The following TBX20 variants were observed in gnomAD, a reference collection of about 807,000 sequenced individuals.
TBX20 encodes T-box transcription factor 20.
TBX20 carries 8 observed loss-of-function variants against 42.9 expected under a neutral mutation model. That is an observed-to-expected ratio of 0.19 (90% CI 0.11 to 0.34). The LOEUF is 0.34. TBX20 is among the 10% of genes least tolerant of loss of function. The probability of loss-of-function intolerance (pLI) is 1.00; values close to 1 mark genes in which losing one functional copy is unlikely to be tolerated. For missense variants in TBX20, 411 were observed against 566.0 expected (o/e 0.73, Z 2.78); for synonymous variants, 198 against 222.8 (o/e 0.89, Z 0.99).
intron 7 of TBX20, among the ~76,000 whole-genome samples, chr7:35,204,152 C>G (rs1377398476): frequency 2.0e-5 from 3 of 152,132 alleles, no homozygotes; most frequent in Admixed American, 6.5e-5. Context: ...GTGACTGCCC[C>G]CAAAGTTCAA....
chr7:35,244,561 A>G (rs1790143990), intron 4 of TBX20, among the ~76,000 whole-genome samples: 2 of 152,232 alleles, frequency 1.3e-5, no homozygotes, highest in Non-Finnish European at 2.9e-5. Flanking sequence ...TCCTAGCCCT[A>G]TTCTCTCTAA....
At chr7:35,231,899 A>C (rs952841356) in intron 5 of TBX20, among the ~76,000 whole-genome samples, 8 of 152,204 alleles carry the variant, frequency 5.3e-5, no homozygotes, top group African/African-American at 1.9e-4. Flanking sequence ...AGTATGTCAA[A>C]GGCTAGGGCT....
chr7:35,234,135 T>C (rs1584352066), intron 5 of TBX20, among the ~76,000 whole-genome samples: 1 of 152,232 alleles, frequency 6.6e-6, no homozygotes, highest in East Asian at 1.9e-4. Flanking sequence ...AAAAAATTCA[T>C]TTTGAAAGAA....
At chr7:35,232,156 T>C (rs550916371) in intron 5 of TBX20, among the ~76,000 whole-genome samples, 1 of 152,362 alleles carries the variant, frequency 6.6e-6, no homozygotes, top group Non-Finnish European at 1.5e-5. Flanking sequence ...CTATTTCCCT[T>C]TCCATTTGAC....
chr7:35,228,629 G>A (rs1228418403), intron 6 of TBX20, among the ~76,000 whole-genome samples: 1 of 152,060 alleles, frequency 6.6e-6, no homozygotes, highest in East Asian at 1.9e-4. Flanking sequence ...AAGGAACACT[G>A]TGCCTTTGTG....
chr7:35,253,731 C>G lies in TBX20; in HGVS notation c.-111G>C, dbSNP rs1035155879. On this transcript the variant is annotated 5_prime_UTR_variant, in exon 1 of 8. Transcript: ENST00000408931. ...AGCTCAAAGTTTCCGAGAGCAGTCACAGCGGGGCCAGGGACTCCAGAAGTG... is the reference window on the plus strand; with the variant it reads ...AGCTCAAAGTTTCCGAGAGCAGTCAGAGCGGGGCCAGGGACTCCAGAAGTG... The G allele has an allele frequency of 7.7e-6, 11 of 1,425,150 alleles. No individual in the cohort carries two copies. The highest frequency in any genetic ancestry group is 1.0e-5 in the Non-Finnish European group (11 of 1,053,768). 88.3% of individuals were successfully genotyped at this position (1,425,150 alleles called of 1,614,324 possible). A position where few individuals can be genotyped will look rare whatever the true frequency, so the allele number is the denominator to read the frequency against.
rs1280163838 is a variant in TBX20 at position 35,204,527 on chromosome 7, T to C, written c.946A>G (p.Thr316Ala). The change falls in exon 7 of 8, where the codon ACC (threonine) becomes GCC (alanine). Residue 316 changes from threonine (T) to alanine (A), a missense_variant. Physicochemically the swap from Thr to Ala is moderately conservative, Grantham distance 58. This residue lies in a region of TBX20 where 162 missense variants were observed against 205.4 expected (regional missense o/e 0.79). Coordinates refer to ENST00000408931, the MANE Select transcript of TBX20 (RefSeq NM_001077653.2). ...KHSYARSPIRTYGGEEDVLGD... is the reference protein window; with the variant it reads ...KHSYARSPIRAYGGEEDVLGD... ...AAGACATCTTCTTCTCCTCCGTAGG[T>C]ACGGATGGGTGAGCGTGCATAGGAA... 2 of 1,614,014 alleles carry C rather than the reference T, an allele frequency of 1.2e-6. No individual in the cohort carries two copies. The highest frequency in any genetic ancestry group is 1.7e-6 in the Non-Finnish European group (2 of 1,180,022).
chr7:35,225,744 G>A (rs185402303), intron 6 of TBX20, among the ~76,000 whole-genome samples: 4 of 152,136 alleles, frequency 2.6e-5, no homozygotes, highest in Non-Finnish European at 4.4e-5. Context: ...AATTCAACAC[G>A]AGCCTAAGCT....
intron 4 of TBX20, among the ~76,000 whole-genome samples, chr7:35,242,176 C>T (rs1249456379): frequency 7.2e-5 from 11 of 152,198 alleles, no homozygotes; most frequent in Admixed American, 7.2e-4. Flanking sequence ...TGCCGATTGA[C>T]TTTAGCAGAG....
chr7:35,215,533 C>A (rs1047394696), intron 6 of TBX20, among the ~76,000 whole-genome samples: 7 of 152,156 alleles, frequency 4.6e-5, no homozygotes, highest in African/African-American at 1.7e-4. Context: ...AAGACACTAT[C>A]TTGTAATGCT....
chr7:35,212,065 G>A (rs1172615525), intron 6 of TBX20, among the ~76,000 whole-genome samples: 1 of 151,960 alleles, frequency 6.6e-6, no homozygotes, highest in African/African-American at 2.4e-5. Flanking sequence ...ACAGATATTA[G>A]GCCACTTGAA....
At chr7:35,218,405 C>A (rs1046555577) in intron 6 of TBX20, among the ~76,000 whole-genome samples, 12 of 151,978 alleles carry the variant, frequency 7.9e-5, no homozygotes, top group African/African-American at 2.9e-4. Context: ...GTCACTTGAG[C>A]TCCTGGGGCC....
chr7:35,250,813 T>C (rs1244069380), intron 1 of TBX20, among the ~76,000 whole-genome samples: 1 of 152,258 alleles, frequency 6.6e-6, no homozygotes, highest in Admixed American at 6.5e-5. Flanking sequence ...CTAGGCTTTA[T>C]GATGAGAGTT....
At chr7:35,236,745 G>T (rs1789974568) in intron 5 of TBX20, among the ~76,000 whole-genome samples, 1 of 152,054 alleles carries the variant, frequency 6.6e-6, no homozygotes, top group South Asian at 2.1e-4. Flanking sequence ...TTTAAAGGTG[G>T]ATATCGAAAA....
intron 6 of TBX20, among the ~76,000 whole-genome samples, chr7:35,207,869 T>C: frequency 6.6e-6 from 1 of 152,192 alleles, no homozygotes; most frequent in Admixed American, 6.5e-5. Flanking sequence ...CTTTTGACAT[T>C]AGGTAGTATT....
chr7:35,250,222 G>A lies in TBX20; in HGVS notation c.128-19C>T, dbSNP rs1334910430. ...AATTGCTCTGGAGGTAAAGAGAATT[G>A]TGAATGACAGCTGACACTGTTCAAC... On this transcript the variant is annotated intron_variant, in intron 1 of 7. Transcript: ENST00000408931. 6.2e-7 allele frequency: 1 copy of A among 1,613,798 alleles called. No individual in the cohort carries two copies. Among genetic ancestry groups the A allele is most frequent in the South Asian group, 1.1e-5 (1 of 90,930 alleles).
At position 35,202,688 on chromosome 7, in the gene TBX20, T is replaced by C; in HGVS notation, c.1086A>G (p.Pro362=). ...TGGTGCCAAGAGCAGTCAGGGACTG[T>C]GGGTGCTGAAACCCAGGAAAACTGG... ...SSSSFPGFQH[P]QSLTALGTST... The change falls in exon 8 of 8, where the codon CCA becomes CCG. Residue 362 remains proline, a synonymous_variant. Coordinates refer to ENST00000408931, the MANE Select transcript of TBX20 (RefSeq NM_001077653.2). 6.2e-7 allele frequency: 1 copy of C among 1,610,196 alleles called. No homozygotes were observed. Among genetic ancestry groups the C allele is most frequent in the Non-Finnish European group, 8.5e-7 (1 of 1,178,260 alleles).
chr7:35,219,408 A>G (rs1789643509), intron 6 of TBX20, among the ~76,000 whole-genome samples: 1 of 152,260 alleles, frequency 6.6e-6, no homozygotes, highest in Non-Finnish European at 1.5e-5. Context: ...GGTAAGCAAT[A>G]AAATTTACTT....
At chr7:35,225,067 C>T (rs888762182) in intron 6 of TBX20, among the ~76,000 whole-genome samples, 1 of 151,992 alleles carries the variant, frequency 6.6e-6, no homozygotes, top group African/African-American at 2.4e-5. Flanking sequence ...AATGATATAG[C>T]AATTTAACTA....
Sources: allele counts gnomAD v4.1 joint callset (sites outside exome capture counted in the v4.1 genomes callset), GRCh38; gene constraint gnomAD v4.1.1; regional missense constraint gnomAD v4.1.1; transcripts MANE v1.5; gene names NCBI Gene and HGNC (gene_info 2026-07-23, HGNC 2026-07-21).